The following KHDRBS3 variants were observed in gnomAD, a reference collection of about 807,000 sequenced individuals.
KHDRBS3 encodes the protein KH domain-containing, RNA-binding, signal transduction-associated protein 3.
KHDRBS3 carries 23 observed loss-of-function variants against 45.6 expected under a neutral mutation model. The observed-to-expected ratio is 0.50, with a 90% CI of 0.36 to 0.72. The LOEUF is 0.72. KHDRBS3 is among the 30% of genes least tolerant of loss of function. The pLI is 0.00. For missense variants in KHDRBS3, 352 were observed against 424.8 expected (o/e 0.83, Z 1.51); for synonymous variants, 162 against 156.5 (o/e 1.04, Z -0.26).
At chr8:135,479,149 C>A (rs1353093190) in intron 1 of KHDRBS3, among the ~76,000 whole-genome samples, 1 of 152,098 alleles carries the variant, frequency 6.6e-6, no homozygotes, top group Admixed American at 6.5e-5. Flanking sequence ...TTCCTTCTGA[C>A]CTGATGGATA....
intron 1 of KHDRBS3, among the ~76,000 whole-genome samples, chr8:135,509,714 C>T (rs1247099864): frequency 6.6e-6 from 1 of 152,096 alleles, no homozygotes; most frequent in Admixed American, 6.6e-5. Context: ...TCTTTCCTGT[C>T]ATAATGCCTT....
At chr8:135,481,252 T>TATATATA (rs1822561321) in intron 1 of KHDRBS3, among the ~76,000 whole-genome samples, 1 of 99,462 alleles carries the variant, frequency 1.0e-5, no homozygotes, top group Non-Finnish European at 2.0e-5. Flanking sequence ...ATATATATAT[T>TATATATA]TAATGTAAGC....
At chr8:135,508,258 T>C (rs1338881192) in intron 1 of KHDRBS3, among the ~76,000 whole-genome samples, 2 of 152,162 alleles carry the variant, frequency 1.3e-5, no homozygotes, top group East Asian at 1.9e-4. Context: ...ATGAAAGTAA[T>C]AGAGAATAAG....
At chr8:135,594,580 T>C (rs1396635739) in intron 6 of KHDRBS3, among the ~76,000 whole-genome samples, 1 of 152,222 alleles carries the variant, frequency 6.6e-6, no homozygotes, top group African/African-American at 2.4e-5. Flanking sequence ...AGGTGATAAA[T>C]AATTTGTTTT....
chr8:135,590,153 C>G (rs1828681263), intron 6 of KHDRBS3, among the ~76,000 whole-genome samples: 1 of 152,142 alleles, frequency 6.6e-6, no homozygotes, highest in African/African-American at 2.4e-5. Context: ...AGGTAACAAA[C>G]CTGTACAGCA....
intron 6 of KHDRBS3, among the ~76,000 whole-genome samples, chr8:135,595,168 C>T (rs952602674): frequency 2.6e-5 from 4 of 152,118 alleles, no homozygotes; most frequent in Admixed American, 6.6e-5. Flanking sequence ...ATTGATGGTG[C>T]TGAGAGTCAG....
chr8:135,525,525 G>A (rs1825137435), intron 2 of KHDRBS3, among the ~76,000 whole-genome samples: 1 of 152,134 alleles, frequency 6.6e-6, no homozygotes, highest in African/African-American at 2.4e-5. Context: ...AGTCTTCAGT[G>A]CTTCAGACAG....
intron 7 of KHDRBS3, among the ~76,000 whole-genome samples, chr8:135,639,495 A>T (rs1830967659): frequency 6.6e-6 from 1 of 152,180 alleles, no homozygotes; most frequent in African/African-American, 2.4e-5. Flanking sequence ...AGAAGAGTGA[A>T]GCATGATGGT....
At position 135,490,851 on chromosome 8, in the gene KHDRBS3, G is replaced by A. The variant is rs1402873216; in HGVS notation, c.89-30386G>A. ...GCTGATAAAGTGTTCCTGGCCAAAT[G>A]AACCTGCTCTGTGGAAAGAATTTGT... On this transcript the variant is annotated intron_variant, in intron 1 of 8. Coordinates refer to ENST00000355849, the MANE Select transcript of KHDRBS3 (RefSeq NM_006558.3). Among the ~76,000 whole-genome samples, 4 of 152,170 alleles carry A rather than the reference G, an allele frequency of 2.6e-5. No individual in the cohort carries two copies. In the South Asian group the frequency reaches 8.3e-4, roughly 32 times the overall value.
intron 7 of KHDRBS3, among the ~76,000 whole-genome samples, chr8:135,620,133 C>T (rs1040050803): frequency 1.3e-5 from 2 of 149,802 alleles, no homozygotes; most frequent in Non-Finnish European, 3.0e-5. Flanking sequence ...TATATAGTGG[C>T]GTGATCTCTG....
Position 135,557,509 on chromosome 8 carries a change from C to T in KHDRBS3, c.533C>T (p.Ser178Leu). 6.2e-7 allele frequency: 1 copy of T among 1,608,192 alleles called. No individual in the cohort carries two copies. Residue 178 changes from serine to leucine, a missense_variant, in exon 5 of 9, where the codon TCA becomes TTA. Around this residue, in one of 6 missense-constraint regions of KHDRBS3, gnomAD observed 12 missense variants for 38.0 expected, o/e 0.32. Coordinates refer to ENST00000355849, the MANE Select transcript of KHDRBS3 (RefSeq NM_006558.3). ...GAGTTAACATATTTGAATGGTGGTT[C>T]AGAAAATGCAGATGTTCCAGTGGTT... Reference protein sequence around the residue: ...LQELTYLNGGSENADVPVVRG... With the variant: ...LQELTYLNGGLENADVPVVRG...
At chr8:135,508,737 A>G (rs1056957645) in intron 1 of KHDRBS3, among the ~76,000 whole-genome samples, 1 of 152,156 alleles carries the variant, frequency 6.6e-6, no homozygotes, top group Admixed American at 6.5e-5. Flanking sequence ...TGGACTTACT[A>G]TTTATTTGAT....
At chr8:135,570,349 A>G (rs1207852559) in intron 5 of KHDRBS3, among the ~76,000 whole-genome samples, 2 of 152,202 alleles carry the variant, frequency 1.3e-5, no homozygotes, top group Admixed American at 1.3e-4. Context: ...GCTAAAGATT[A>G]TCTTCATAAC....
At chr8:135,482,009 G>A (rs1822603292) in intron 1 of KHDRBS3, among the ~76,000 whole-genome samples, 1 of 152,132 alleles carries the variant, frequency 6.6e-6, no homozygotes, top group East Asian at 1.9e-4. Context: ...CTTTCAAATA[G>A]AATTTGTTGT....
At chr8:135,474,899 G>A (rs1822195266) in intron 1 of KHDRBS3, among the ~76,000 whole-genome samples, 1 of 152,218 alleles carries the variant, frequency 6.6e-6, no homozygotes, top group African/African-American at 2.4e-5. Flanking sequence ...CCTTTCTGGA[G>A]GCTTCAGGGG....
rs555253293 is a variant in KHDRBS3, at chr8:135,479,420, G to A, written c.88+21466G>A. Among the ~76,000 whole-genome samples the A allele has an allele frequency of 6.6e-5, 10 of 152,318 alleles. No individual in the cohort carries two copies. The East Asian group carries it at 1.9e-3, about 29-fold the overall frequency. ...CAAACTCTTTCAAAAATCAGAAGAG[G>A]AGGGATTGCTTCTGTCTTAGTCCTT... On this transcript the variant is annotated intron_variant, in intron 1 of 8. Coordinates refer to ENST00000355849, the MANE Select transcript of KHDRBS3 (RefSeq NM_006558.3).
intron 7 of KHDRBS3, among the ~76,000 whole-genome samples, chr8:135,624,386 A>T (rs950081144): frequency 6.6e-5 from 10 of 152,266 alleles, no homozygotes; most frequent in African/African-American, 2.4e-4. Context: ...AGTCCCCAAA[A>T]GTAGTTGTTA....
intron 7 of KHDRBS3, among the ~76,000 whole-genome samples, chr8:135,610,004 C>T (rs941220368): frequency 2.0e-5 from 3 of 151,882 alleles, no homozygotes; most frequent in African/African-American, 7.3e-5. Flanking sequence ...GAGTTTCCTC[C>T]AGTTAATAGA....
intron 6 of KHDRBS3, among the ~76,000 whole-genome samples, chr8:135,583,468 C>T (rs969556824): frequency 7.2e-5 from 11 of 152,136 alleles, no homozygotes; most frequent in Non-Finnish European, 1.5e-4. Context: ...GAGAGTAAAT[C>T]TTAAATTCCT....
Sources: allele counts gnomAD v4.1 joint callset (sites outside exome capture counted in the v4.1 genomes callset), GRCh38; gene constraint gnomAD v4.1.1; regional missense constraint gnomAD v4.1.1; transcripts MANE v1.5; gene names NCBI Gene and HGNC (gene_info 2026-07-23, HGNC 2026-07-21).